The following ZNF385D variants were observed in gnomAD, a reference collection of about 807,000 sequenced individuals.
ZNF385D encodes the protein zinc finger protein 659.
A neutral mutation model predicts 35.8 loss-of-function variants in ZNF385D; 15 were observed. The ratio of observed to expected loss-of-function variants is 0.42; its 90% CI spans 0.28 to 0.64. The LOEUF is 0.64. ZNF385D is among the 30% of genes least tolerant of loss of function. ZNF385D has a pLI of 0.23. For synonymous variants in ZNF385D, 212 were observed against 186.8 expected (o/e 1.13, Z -1.10); for missense variants, 474 against 494.6 (o/e 0.96, Z 0.39).
chr3:21,768,728 T>G (rs983143871), intron 3 of ZNF385D, among the ~76,000 whole-genome samples: 2 of 151,960 alleles, frequency 1.3e-5, no homozygotes, highest in African/African-American at 4.8e-5. Context: ...AAGAGGTGGG[T>G]AGTTACTGCT....
intron 2 of ZNF385D, among the ~76,000 whole-genome samples, chr3:22,211,619 T>TAGAA (rs140519015): frequency 8.4e-4 from 127 of 151,974 alleles, no homozygotes; most frequent in African/African-American, 2.8e-3. Flanking sequence ...CAAGTCTATA[T>TAGAA]AGAAAGAAAG....
At position 22,220,140 on chromosome 3, in the gene ZNF385D, T is replaced by C. The variant is rs150430603; in HGVS notation, c.107-51105A>G. ...TTGCAGTGGTAGGATCATGGCTCACTGTAGCCTCAACCTCCTGGGATCAAG... is the reference window on the plus strand; with the variant it reads ...TTGCAGTGGTAGGATCATGGCTCACCGTAGCCTCAACCTCCTGGGATCAAG... On this transcript the variant is annotated intron_variant, in intron 2 of 5. Coordinates refer to the ZNF385D transcript ENST00000494108. Among the ~76,000 whole-genome samples the C allele has an allele frequency of 4.8e-3, 728 of 151,808 alleles. 10 individuals are homozygous for C. The highest frequency in any genetic ancestry group is 0.016 in the African/African-American group (682 of 41,396).
chr3:22,331,954 A>G (rs1694954137), intron 2 of ZNF385D, among the ~76,000 whole-genome samples: 1 of 152,162 alleles, frequency 6.6e-6, no homozygotes, highest in South Asian at 2.1e-4. Context: ...GCTTTTCTAA[A>G]TATCACTTAT....
intron 3 of ZNF385D, among the ~76,000 whole-genome samples, chr3:21,920,118 A>C (rs970644991): frequency 6.6e-6 from 1 of 152,228 alleles, no homozygotes; most frequent in Non-Finnish European, 1.5e-5. Context: ...GAAACAAACA[A>C]AGAAGAATAT....
At chr3:21,423,503 G>C (rs1274251610) in intron 7 of ZNF385D, among the ~76,000 whole-genome samples, 1 of 152,028 alleles carries the variant, frequency 6.6e-6, no homozygotes, top group Non-Finnish European at 1.5e-5. Context: ...TTCCTCTAAA[G>C]TCCTACCAAA....
At chr3:21,686,525 A>G (rs907524397) in intron 1 of ZNF385D, among the ~76,000 whole-genome samples, 2 of 152,220 alleles carry the variant, frequency 1.3e-5, no homozygotes, top group African/African-American at 4.8e-5. Flanking sequence ...AAGTAAAAAT[A>G]GGTGAAATTA....
intron 2 of ZNF385D, among the ~76,000 whole-genome samples, chr3:22,203,744 C>A (rs1696961534): frequency 6.6e-6 from 1 of 152,106 alleles, no homozygotes; most frequent in Non-Finnish European, 1.5e-5. Flanking sequence ...GCAGACTCCT[C>A]TGCCAGGGAA....
At chr3:21,876,103 C>T (rs892735079) in intron 3 of ZNF385D, among the ~76,000 whole-genome samples, 2 of 152,044 alleles carry the variant, frequency 1.3e-5, no homozygotes, top group African/African-American at 4.8e-5. Context: ...ATATAATATT[C>T]AGTTTAAGCT....
intron 2 of ZNF385D, among the ~76,000 whole-genome samples, chr3:22,267,574 C>T (rs1489898432): frequency 3.3e-5 from 5 of 151,880 alleles, no homozygotes; most frequent in Non-Finnish European, 7.4e-5. Context: ...TAATAACTCA[C>T]AACCCCAGAT....
chr3:22,231,303 C>T lies in ZNF385D; in HGVS notation c.107-62268G>A, dbSNP rs117613896. On this transcript the variant is annotated intron_variant, in intron 2 of 5. Coordinates refer to the ZNF385D transcript ENST00000494108. ...TGGCCCTGAGCCAGAATCAGTGTGC[C>T]TATTATAAGCAAAAAGACTATTGGC... is the stretch of plus-strand genomic sequence containing the variant. Among the ~76,000 whole-genome samples the T allele has an allele frequency of 3.0e-4, 46 of 152,182 alleles. No individual in the cohort carries two copies. In the East Asian group the frequency reaches 5.4e-3, roughly 18 times the overall value.
chr3:21,901,919 C>T (rs560592008), intron 3 of ZNF385D, among the ~76,000 whole-genome samples: 2 of 152,212 alleles, frequency 1.3e-5, no homozygotes, highest in Admixed American at 6.5e-5. Context: ...ATTAAAACTA[C>T]CATGTTTAGT....
At chr3:22,208,120 T>C (rs1010206853) in intron 2 of ZNF385D, among the ~76,000 whole-genome samples, 2 of 151,978 alleles carry the variant, frequency 1.3e-5, no homozygotes, top group African/African-American at 4.8e-5. Flanking sequence ...CAAAGAGATA[T>C]ATAAAATAAC....
At position 21,722,099 on chromosome 3, in the gene ZNF385D, C is replaced by CAAA. The variant is rs56852209; in HGVS notation, c.22+28793_22+28795dup. ...TTGGAGACAGAGTGAGACTCTGTCT[C>CAAA]AAAAAAAAAAAAAAAAAAGAGGTAT... On this transcript the variant is annotated intron_variant, in intron 1 of 7. Coordinates refer to ENST00000281523, the MANE Select transcript of ZNF385D (RefSeq NM_024697.3). 6.3e-4 allele frequency among the ~76,000 whole-genome samples: 71 copies of CAAA among 112,502 alleles called. 1 individual carries two copies. Among genetic ancestry groups the CAAA allele is most frequent in the South Asian group, 2.8e-3 (9 of 3,170 alleles). 73.8% of individuals were successfully genotyped at this position (112,502 alleles called of 152,430 possible).
intron 3 of ZNF385D, among the ~76,000 whole-genome samples, chr3:22,094,207 T>A (rs1701478965): frequency 6.7e-6 from 1 of 149,042 alleles, no homozygotes; most frequent in Non-Finnish European, 1.5e-5. Context: ...TGGTTGTTCA[T>A]ATTGCATTGT....
chr3:21,902,654 T>G (rs2125900203), intron 3 of ZNF385D, among the ~76,000 whole-genome samples: 1 of 152,296 alleles, frequency 6.6e-6, no homozygotes, highest in Non-Finnish European at 1.5e-5. Context: ...CTTAAGTCAC[T>G]ATTTTTATTT....
chr3:21,900,774 A>T (rs1699366769), intron 3 of ZNF385D, among the ~76,000 whole-genome samples: 1 of 152,222 alleles, frequency 6.6e-6, no homozygotes, highest in South Asian at 2.1e-4. Context: ...TGATTTGTTC[A>T]GTAGGTGGTA....
intron 2 of ZNF385D, among the ~76,000 whole-genome samples, chr3:22,202,777 G>T (rs1476923773): frequency 6.6e-6 from 1 of 152,102 alleles, no homozygotes; most frequent in Admixed American, 6.6e-5. Flanking sequence ...GTGGGACTTT[G>T]CATGGGCAGG....
intron 3 of ZNF385D, among the ~76,000 whole-genome samples, chr3:22,082,711 C>G (rs1249568251): frequency 1.3e-5 from 2 of 152,230 alleles, no homozygotes; most frequent in African/African-American, 4.8e-5. Context: ...GTTCTCCCAG[C>G]ATGGTGTTTG....
At chr3:22,086,629 G>T in intron 3 of ZNF385D, among the ~76,000 whole-genome samples, 1 of 152,112 alleles carries the variant, frequency 6.6e-6, no homozygotes, top group East Asian at 1.9e-4. Flanking sequence ...AATACCCAAG[G>T]TAATTTGTGT....
Sources: gnomAD v4.1 joint callset for allele counts (sites outside exome capture counted in the v4.1 genomes callset) on GRCh38, gnomAD v4.1.1 for gene constraint, MANE v1.5 for transcripts, NCBI Gene and HGNC (gene_info 2026-07-23, HGNC 2026-07-21) for gene names.